PPCDC: variants seen among roughly 807,000 people sequenced by gnomAD.
PPCDC encodes the protein phosphopantothenoylcysteine decarboxylase.
In PPCDC, 20 loss-of-function variants were observed where a neutral mutation model predicts 20.7. That is an observed-to-expected ratio of 0.97 (90% CI 0.68 to 1.41). PPCDC has a LOEUF of 1.41. PPCDC is among the 40% of genes most tolerant of loss of function. PPCDC has a pLI of 0.00. For synonymous variants in PPCDC, 88 were observed against 100.3 expected (o/e 0.88, Z 0.73); for missense variants, 246 against 263.8 (o/e 0.93, Z 0.47).
intron 2 of PPCDC, among the ~76,000 whole-genome samples, chr15:75,034,555 C>T (rs1031909448): frequency 5.9e-5 from 9 of 152,172 alleles, no homozygotes; most frequent in Non-Finnish European, 1.0e-4. Context: ...ATGTGCCAAC[C>T]GCACTGGGCC....
intron 2 of PPCDC, among the ~76,000 whole-genome samples, chr15:75,032,927 A>C (rs2066041405): frequency 6.6e-6 from 1 of 151,998 alleles, no homozygotes; most frequent in Non-Finnish European, 1.5e-5. Flanking sequence ...CAGCCTCCCA[A>C]ATAGTTGGGA....
chr15:75,026,906 A>T (rs1308973256), intron 1 of PPCDC, among the ~76,000 whole-genome samples: 2 of 151,978 alleles, frequency 1.3e-5, no homozygotes, highest in African/African-American at 4.8e-5. Context: ...GACCAGGGTC[A>T]CTCCAGGTCA....
chr15:75,048,845 C>T, intron 5 of PPCDC, 124 bp downstream of exon 5: 2 of 1,284,860 alleles, frequency 1.6e-6, no homozygotes, highest in South Asian at 3.1e-5. Flanking sequence ...TTAGCTTTCT[C>T]AGCTGGAAAA....
intron 4 of PPCDC, among the ~76,000 whole-genome samples, chr15:75,048,183 C>T (rs1002795004): frequency 1.3e-5 from 2 of 152,200 alleles, no homozygotes; most frequent in African/African-American, 4.8e-5. Flanking sequence ...ATGAGCCCCA[C>T]CTGAGGAGCA....
At position 75,048,658 on chromosome 15, in the gene PPCDC, C is replaced by A; in HGVS notation, c.466C>A (p.Leu156Ile). 6.2e-7 allele frequency: 1 copy of A among 1,614,232 alleles called. No homozygotes were observed. The highest frequency in any genetic ancestry group is 8.5e-7 in the Non-Finnish European group (1 of 1,180,044). The change falls in exon 5 of 6, where the codon CTC becomes ATC. Residue 156 changes from leucine to isoleucine, a missense_variant. Physicochemically the swap from Leu to Ile is conservative, Grantham distance 5. Transcript: ENST00000342932. Reference sequence around the variant, plus strand: ...GATCACAGCGCAGCAGGTAGACCAGCTCAAGGCCTTTGGCTATGTCGAGAT... The same window carrying A: ...GATCACAGCGCAGCAGGTAGACCAGATCAAGGCCTTTGGCTATGTCGAGAT... Reference protein sequence around the residue: ...HPITAQQVDQLKAFGYVEIPC... With the variant: ...HPITAQQVDQIKAFGYVEIPC...
At position 75,048,541 on chromosome 15, in the gene PPCDC, CCTT is replaced by C; in HGVS notation, c.361-7_361-5del. On this transcript the variant is annotated splice_polypyrimidine_tract_variant and intron_variant, in intron 4 of 5. Transcript: ENST00000342932. ...AGTAGCAAGACCCCCACTTCCCTGG[CCTT>C]CTTCACAGACCTGCGTCATGCGGGC... 6.2e-7 allele frequency: 1 copy of C among 1,612,166 alleles called. No homozygotes were observed.
At chr15:75,039,451 T>C (rs757014142) in intron 2 of PPCDC, among the ~76,000 whole-genome samples, 3 of 152,162 alleles carry the variant, frequency 2.0e-5, no homozygotes, top group Admixed American at 6.5e-5. Flanking sequence ...AAGGGTAGTA[T>C]GTTTGGCTGC....
chr15:75,049,127 C>G (rs768229317), intron 5 of PPCDC, 23 bp from the exon 6 acceptor site: 1 of 1,608,164 alleles, frequency 6.2e-7, no homozygotes, highest in East Asian at 2.2e-5. Flanking sequence ...GCCTGTCTGG[C>G]CACAGCGGAA....
chr15:75,048,787 A>C, intron 5 of PPCDC, 66 bp downstream of exon 5: 7 of 1,543,610 alleles, frequency 4.5e-6, no homozygotes, highest in Middle Eastern at 1.7e-4. Flanking sequence ...GTCATATCTC[A>C]GTTCAGTTCC....
intron 2 of PPCDC, among the ~76,000 whole-genome samples, chr15:75,034,067 G>C (rs1020235853): frequency 3.3e-5 from 5 of 152,160 alleles, no homozygotes; most frequent in Non-Finnish European, 7.3e-5. Context: ...GGGGTGGTAC[G>C]GTGAGCTAGA....
At chr15:75,047,891 T>A (rs2066258885) in intron 4 of PPCDC, among the ~76,000 whole-genome samples, 1 of 152,210 alleles carries the variant, frequency 6.6e-6, no homozygotes, top group African/African-American at 2.4e-5. Flanking sequence ...GATGGCTCCT[T>A]TCACAACTGC....
intron 1 of PPCDC, among the ~76,000 whole-genome samples, chr15:75,025,063 A>G (rs989578830): frequency 6.6e-6 from 1 of 152,092 alleles, no homozygotes; most frequent in Non-Finnish European, 1.5e-5. Context: ...GACCACAGGC[A>G]TGTGCCACCA....
chr15:75,032,093 A>G (rs545583990), intron 2 of PPCDC, among the ~76,000 whole-genome samples: 1 of 152,324 alleles, frequency 6.6e-6, no homozygotes, highest in South Asian at 2.1e-4. Flanking sequence ...CAGTGCCTTC[A>G]GGTTTGAAAT....
chr15:75,036,367 C>T (rs2066084911), intron 2 of PPCDC, among the ~76,000 whole-genome samples: 1 of 152,178 alleles, frequency 6.6e-6, no homozygotes, highest in Non-Finnish European at 1.5e-5. Context: ...TGAATCAGAT[C>T]AAGTGACATC....
chr15:75,043,787 T>C, intron 3 of PPCDC: 1 of 480,620 alleles, frequency 2.1e-6, no homozygotes, highest in South Asian at 2.6e-5. Flanking sequence ...TCCTTGTACT[T>C]ATCTGGGCTG....
chr15:75,043,040 G>T (rs1202317680), intron 2 of PPCDC, among the ~76,000 whole-genome samples: 2 of 152,272 alleles, frequency 1.3e-5, no homozygotes, highest in African/African-American at 2.4e-5. Context: ...CAGAACTCAG[G>T]ACCTATGAGC....
intron 1 of PPCDC, among the ~76,000 whole-genome samples, chr15:75,026,578 A>C (rs2065962615): frequency 2.6e-5 from 4 of 152,226 alleles, no homozygotes; most frequent in Admixed American, 2.6e-4. Flanking sequence ...GCTGAAGGCA[A>C]ATCCTGGGCA....
chr15:75,048,668 T>C lies in PPCDC; in HGVS notation c.476T>C (p.Phe159Ser). The C allele has an allele frequency of 3.7e-6, 6 of 1,614,212 alleles. No homozygotes were observed. Among genetic ancestry groups the C allele is most frequent in the Non-Finnish European group, 4.2e-6 (5 of 1,180,024 alleles). The change falls in exon 5 of 6, where the codon TTT becomes TCT. Residue 159 changes from phenylalanine (F) to serine (S), a missense_variant. Coordinates refer to ENST00000342932, the MANE Select transcript of PPCDC (RefSeq NM_021823.5). ...TAQQVDQLKA[F>S]GYVEIPCVAK... ...CAGCAGGTAGACCAGCTCAAGGCCT[T>C]TGGCTATGTCGAGATCCCCTGTGTG... is the stretch of plus-strand genomic sequence containing the variant.
chr15:75,044,687 A>G, intron 4 of PPCDC, 173 bp downstream of exon 4: 1 of 861,676 alleles, frequency 1.2e-6, no homozygotes, highest in Non-Finnish European at 1.7e-6. Context: ...TCTGTAGCAC[A>G]TGGGCACAGC....
Sources: allele counts gnomAD v4.1 joint callset (sites outside exome capture counted in the v4.1 genomes callset), GRCh38; gene constraint gnomAD v4.1.1; transcripts MANE v1.5; gene names NCBI Gene and HGNC (gene_info 2026-07-23, HGNC 2026-07-21).